The following MYCBPAP variants were observed in gnomAD, a reference collection of about 807,000 sequenced individuals.
The protein encoded by MYCBPAP is MYCBP-associated protein.
Under a neutral mutation model 106.1 loss-of-function variants are expected in MYCBPAP, and 60 were observed. The ratio of observed to expected loss-of-function variants is 0.57; its 90% CI spans 0.46 to 0.70. MYCBPAP has a LOEUF of 0.70. Ranked by LOEUF, MYCBPAP falls within the 30% of genes least tolerant of loss-of-function variation. The pLI is 0.00. For missense variants in MYCBPAP, 1,064 were observed against 1,169.3 expected, an observed-to-expected ratio of 0.91 and a Z score of 1.31; for synonymous variants, 407 against 440.6, an observed-to-expected ratio of 0.92 and a Z score of 0.95.
At chr17:50,527,495 G>C in intron 15 of MYCBPAP, 87 bp downstream of exon 15, 1 of 1,543,102 alleles carries the variant, frequency 6.5e-7, no homozygotes, top group Non-Finnish European at 8.8e-7. Flanking sequence ...GGGACTCCAG[G>C]GGTCTGAGCT....
chr17:50,527,551 T>A, intron 15 of MYCBPAP, 143 bp downstream of exon 15: 1 of 1,074,216 alleles, frequency 9.3e-7, no homozygotes, highest in Non-Finnish European at 1.3e-6. Context: ...CATTCCACGT[T>A]CTGGAACCCT....
intron 3 of MYCBPAP, 26 bp downstream of exon 3, chr17:50,517,478 C>T (rs2034094456): frequency 6.2e-7 from 1 of 1,614,186 alleles, no homozygotes; most frequent in Non-Finnish European, 8.5e-7. Flanking sequence ...GCCCTGGCTT[C>T]ACTGTCTTTC....
In MYCBPAP at chr17:50,523,679, G is replaced by A. The variant is rs2034357219; in HGVS notation, c.1530G>A (p.Glu510=). 6.2e-7 allele frequency: 1 copy of A among 1,614,168 alleles called. No individual in the cohort carries two copies. Among genetic ancestry groups the A allele is most frequent in the African/African-American group, 1.3e-5 (1 of 75,044 alleles). ...CTGGGGTCTTCAGGGAATTTTGGGA[G>A]TTTCGAACCCATCCTACTCTATTAG... ...LTAGVFREFW[E]FRTHPTLLGG... The change falls in exon 12 of 19, where the codon GAG becomes GAA. Residue 510 remains glutamate, a synonymous_variant. Coordinates refer to ENST00000323776, the MANE Select transcript of MYCBPAP (RefSeq NM_032133.6).
intron 3 of MYCBPAP, 68 bp from the exon 4 acceptor site, chr17:50,517,527 C>G: frequency 6.2e-7 from 1 of 1,613,486 alleles, no homozygotes; most frequent in Non-Finnish European, 8.5e-7. Flanking sequence ...CAGTCTCCAT[C>G]AGAAAGTTGC....
At position 50,525,973 on chromosome 17, in the gene MYCBPAP, G is replaced by A. The variant is rs1383057033; in HGVS notation, c.1875G>A (p.Gly625=). The change falls in exon 14 of 19, where the codon GGG becomes GGA. Residue 625 remains glycine, a synonymous_variant. Coordinates refer to ENST00000323776, the MANE Select transcript of MYCBPAP (RefSeq NM_032133.6). ...LPAKAEEARP[G]DKEHVSPIAT... ...CCAAGGCTGAGGAGGCCAGGCCAGG[G>A]GACAAGGAGCACGTCAGCCCCATAG... is the stretch of plus-strand genomic sequence containing the variant. The A allele has an allele frequency of 1.2e-6, 2 of 1,613,690 alleles. No individual in the cohort carries two copies. The highest frequency in any genetic ancestry group is 3.3e-5 in the Admixed American group (2 of 59,998).
chr17:50,519,869 T>C, intron 7 of MYCBPAP, 82 bp downstream of exon 7: 3 of 1,483,460 alleles, frequency 2.0e-6, no homozygotes, highest in Non-Finnish European at 2.7e-6. Flanking sequence ...AGCATAGCTC[T>C]ACAGTGAAAC....
intron 1 of MYCBPAP, among the ~76,000 whole-genome samples, chr17:50,512,605 A>C (rs2033895168): frequency 6.6e-6 from 1 of 151,946 alleles, no homozygotes; most frequent in African/African-American, 2.4e-5. Flanking sequence ...AACCAAACCT[A>C]TTGCCTGTAC....
intron 10 of MYCBPAP, chr17:50,522,709 A>AAAAAAAATATATATATATATAT: frequency 1.8e-4 from 9 of 50,018 alleles, no homozygotes; most frequent in African/African-American, 9.6e-4. Flanking sequence ...AAAAAAAAAA[A>AAAAAAAATATATATATATATAT]ATATATATAT....
chr17:50,523,903 C>A, intron 12 of MYCBPAP, 119 bp downstream of exon 12: 2 of 1,011,956 alleles, frequency 2.0e-6, no homozygotes, highest in Non-Finnish European at 2.8e-6. Flanking sequence ...GGATTTTTAG[C>A]AAACAGGTAA....
chr17:50,523,222 G>GT, intron 11 of MYCBPAP, 94 bp downstream of exon 11: 1 of 1,284,086 alleles, frequency 7.8e-7, no homozygotes, highest in Non-Finnish European at 1.1e-6. Context: ...CCCAGCTCCT[G>GT]TAAGTTTGAG....
intron 1 of MYCBPAP, chr17:50,510,499 G>GTATATATATATATATATATA (rs3063016): frequency 1.3e-5 from 1 of 76,412 alleles, no homozygotes; most frequent in African/African-American, 4.6e-5. Flanking sequence ...GTGTGTGTGT[G>GTATATATATATATATATATA]TATATATATA....
intron 1 of MYCBPAP, chr17:50,509,788 T>C (rs1055079172): frequency 4.6e-5 from 7 of 152,440 alleles, no homozygotes; most frequent in African/African-American, 1.7e-4. Context: ...CTCAAGAAAC[T>C]CAGTCTAATG....
rs776944757 is a variant in MYCBPAP, at chr17:50,518,610, A to G, written c.538A>G (p.Lys180Glu). 81 of 1,608,802 alleles carry G rather than the reference A, an allele frequency of 5.0e-5. No individual in the cohort carries two copies. Among genetic ancestry groups the G allele is most frequent in the Non-Finnish European group, 6.4e-5 (76 of 1,178,438 alleles). The change falls in exon 5 of 19, where the codon AAA becomes GAA. Residue 180 changes from lysine (K) to glutamate (E), a missense_variant. By Grantham distance (56) the Lys-to-Glu change is moderately conservative (BLOSUM62 1). Transcript: ENST00000323776. The stretch of plus-strand genomic sequence containing the variant: ...CTCTGCTGAAGGAGAGTCAAAGCAA[A>G]AAGCCCCAAAAGAAGAGAAGAGACC... Reference protein sequence around the residue: ...LISAEGESKQKAPKEEKRPPW... With the variant: ...LISAEGESKQEAPKEEKRPPW...
intron 6 of MYCBPAP, 89 bp from the exon 7 acceptor site, chr17:50,519,551 C>T: frequency 6.8e-7 from 1 of 1,467,732 alleles, no homozygotes; most frequent in Non-Finnish European, 9.4e-7. Context: ...GCATCTGTAG[C>T]CTGTGGTGGT....
At position 50,508,598 on chromosome 17, in the gene MYCBPAP, G is replaced by T. The variant is rs774133896; in HGVS notation, c.-77G>T. ...TGCTGTGGACGCAGTGGCGGCCGTT[G>T]GCTGGCGGGTGCGGCGCAGCCTCGG... On this transcript the variant is annotated 5_prime_UTR_variant, in exon 1 of 19. Coordinates refer to ENST00000323776, the MANE Select transcript of MYCBPAP (RefSeq NM_032133.6). The T allele has an allele frequency of 2.6e-4, 408 of 1,554,238 alleles. No homozygotes were observed. Among genetic ancestry groups the T allele is most frequent in the Non-Finnish European group, 3.5e-4 (402 of 1,148,518 alleles).
rs536091082 is a variant in MYCBPAP at position 50,515,156 on chromosome 17, C to T, written c.77-1414C>T. The stretch of plus-strand genomic sequence containing the variant: ...TGTTCCCCAGGGCCCTTTCCTTTCT[C>T]CAGCTTCTTCAGCTCTATTTAAACA... On this transcript the variant is annotated intron_variant, in intron 1 of 18. Transcript: ENST00000323776. Among the ~76,000 whole-genome samples the T allele has an allele frequency of 9.2e-5, 14 of 152,248 alleles. No homozygotes were observed. The East Asian group carries it at 1.2e-3, about 13-fold the overall frequency.
intron 1 of MYCBPAP, among the ~76,000 whole-genome samples, chr17:50,512,758 C>T (rs552747989): frequency 6.6e-6 from 1 of 152,256 alleles, no homozygotes; most frequent in Admixed American, 6.5e-5. Context: ...TAAGCACTCT[C>T]GAGGAGCAAT....
At chr17:50,519,115 G>A (rs1326523605) in intron 6 of MYCBPAP, 26 bp downstream of exon 6, 7 of 1,537,830 alleles carry the variant, frequency 4.6e-6, no homozygotes, top group East Asian at 4.6e-5. Context: ...CTAAGTGCCC[G>A]GGGGCAGGGG....
At chr17:50,522,841 C>T in intron 10 of MYCBPAP, 98 bp from the exon 11 acceptor site, 4 of 1,208,346 alleles carry the variant, frequency 3.3e-6, no homozygotes, top group Non-Finnish European at 3.5e-6. Context: ...ACGAGACTTG[C>T]AGTGCTAAAG....
Sources: gnomAD v4.1 joint callset for allele counts (sites outside exome capture counted in the v4.1 genomes callset) on GRCh38, gnomAD v4.1.1 for gene constraint, MANE v1.5 for transcripts, NCBI Gene and HGNC (gene_info 2026-07-23, HGNC 2026-07-21) for gene names.